Variants in SRPK2 observed in about 807,000 individuals in gnomAD.
SRPK2 encodes SFRS protein kinase 2.
SRPK2 carries 21 observed loss-of-function variants against 90.8 expected under a neutral mutation model. The observed-to-expected ratio is 0.23, with a 90% CI of 0.16 to 0.33. The LOEUF (loss-of-function observed/expected upper bound fraction) is 0.33. SRPK2 is among the 10% of genes least tolerant of loss of function. The pLI is 1.00. For synonymous variants in SRPK2, 288 were observed against 311.1 expected (o/e 0.93, Z 0.78); for missense variants, 620 against 869.0 (o/e 0.71, Z 3.60).
At chr7:105,358,543 G>A (rs557718804) in intron 2 of SRPK2, among the ~76,000 whole-genome samples, 6 of 151,806 alleles carry the variant, frequency 4.0e-5, no homozygotes, top group Non-Finnish European at 8.8e-5. Context: ...AAAATTAGCC[G>A]GGCATGGTGG....
At chr7:105,318,031 A>G (rs1429251496) in intron 2 of SRPK2, among the ~76,000 whole-genome samples, 2 of 152,212 alleles carry the variant, frequency 1.3e-5, no homozygotes, top group Non-Finnish European at 2.9e-5. Context: ...TGCTGGGATT[A>G]CGGGCATGAG....
intron 6 of SRPK2, 121 bp downstream of exon 6, chr7:105,167,256 A>G: frequency 1.3e-6 from 1 of 741,168 alleles, no homozygotes; most frequent in African/African-American, 1.8e-5. Context: ...ATAATACTTG[A>G]CAATGTTCCT....
At chr7:105,290,490 C>A (rs1346693711) in intron 2 of SRPK2, among the ~76,000 whole-genome samples, 2 of 151,858 alleles carry the variant, frequency 1.3e-5, no homozygotes, top group Non-Finnish European at 2.9e-5. Context: ...AGAGCAAGAC[C>A]TTGTCTCAAA....
chr7:105,313,594 C>CA (rs1811973298), intron 2 of SRPK2, among the ~76,000 whole-genome samples: 1 of 151,712 alleles, frequency 6.6e-6, no homozygotes, highest in Non-Finnish European at 1.5e-5. Context: ...TACTAAAATA[C>CA]AAAAAAATTA....
intron 2 of SRPK2, among the ~76,000 whole-genome samples, chr7:105,306,048 A>C (rs566804792): frequency 6.6e-6 from 1 of 152,300 alleles, no homozygotes; most frequent in East Asian, 1.9e-4. Context: ...CAACACCTAC[A>C]CTAAAAGTGG....
At chr7:105,180,350 T>C (rs1792614812) in intron 3 of SRPK2, among the ~76,000 whole-genome samples, 1 of 152,198 alleles carries the variant, frequency 6.6e-6, no homozygotes, top group Non-Finnish European at 1.5e-5. Context: ...CCATAAGTGG[T>C]GCTAGAATTA....
At chr7:105,271,971 A>G (rs1805890989) in intron 2 of SRPK2, among the ~76,000 whole-genome samples, 1 of 152,164 alleles carries the variant, frequency 6.6e-6, no homozygotes, top group African/African-American at 2.4e-5. Context: ...TTTTTCATCC[A>G]ATTTTCCTCT....
chr7:105,249,115 C>G (rs1305852574), intron 2 of SRPK2, among the ~76,000 whole-genome samples: 1 of 152,234 alleles, frequency 6.6e-6, no homozygotes, highest in East Asian at 1.9e-4. Flanking sequence ...ACATGAAGAG[C>G]ACATCCTGTT....
chr7:105,376,534 CT>C (rs376600508), intron 2 of SRPK2, among the ~76,000 whole-genome samples: 260 of 142,096 alleles, frequency 1.8e-3, no homozygotes, highest in Admixed American at 2.1e-3. Flanking sequence ...TCCTTTTTTT[CT>C]TTTTTTTTTT....
intron 2 of SRPK2, among the ~76,000 whole-genome samples, chr7:105,349,120 G>A (rs1308296042): frequency 1.3e-5 from 2 of 149,748 alleles, no homozygotes; most frequent in South Asian, 2.1e-4. Flanking sequence ...ACTCCAGCCT[G>A]GGCAACAGAG....
At chr7:105,159,641 G>A (rs921809664) in intron 7 of SRPK2, among the ~76,000 whole-genome samples, 1 of 152,008 alleles carries the variant, frequency 6.6e-6, no homozygotes, top group Admixed American at 6.6e-5. Context: ...CACTGGAATG[G>A]GCAAACACTG....
intron 2 of SRPK2, among the ~76,000 whole-genome samples, chr7:105,303,784 A>G (rs1471455566): frequency 1.3e-5 from 2 of 152,196 alleles, no homozygotes; most frequent in Non-Finnish European, 2.9e-5. Context: ...CAATTCGTAC[A>G]GTTTAATGGT....
At chr7:105,301,573 G>T in intron 2 of SRPK2, 1 of 1,584,564 alleles carries the variant, frequency 6.3e-7, no homozygotes, top group Non-Finnish European at 8.7e-7. Flanking sequence ...CTCTATTTAT[G>T]AAGGAGATGA....
At chr7:105,141,601 CAA>C (rs1286039308) in intron 11 of SRPK2, among the ~76,000 whole-genome samples, 3 of 152,032 alleles carry the variant, frequency 2.0e-5, no homozygotes, top group African/African-American at 7.2e-5. Flanking sequence ...TCAATAGAGT[CAA>C]AGAGGAGGCA....
intron 2 of SRPK2, among the ~76,000 whole-genome samples, chr7:105,293,193 G>A (rs1303961660): frequency 1.3e-5 from 2 of 152,054 alleles, no homozygotes; most frequent in African/African-American, 4.8e-5. Flanking sequence ...AGCTACTCAA[G>A]AGGCTGAGGC....
In SRPK2 at chr7:105,134,452, T is replaced by C. The variant is rs1364588144; in HGVS notation, c.1544-1348A>G. 3.3e-5 allele frequency among the ~76,000 whole-genome samples: 5 copies of C among 152,266 alleles called. No individual in the cohort carries two copies. In the South Asian group the frequency reaches 8.3e-4, roughly 25 times the overall value. ...ATGCTTCCTGTACAGCCTGTGGAAC[T>C]GTGAGCCAATTAAACCTGTTTTCTT... On this transcript the variant is annotated intron_variant, in intron 11 of 15. Transcript: ENST00000393651.
At chr7:105,370,616 CTTTT>C (rs199888481) in intron 2 of SRPK2, among the ~76,000 whole-genome samples, 1 of 129,962 alleles carries the variant, frequency 7.7e-6, no homozygotes. Context: ...TTTTTTCTTT[CTTTT>C]TTTTTTTTTT....
intron 3 of SRPK2, among the ~76,000 whole-genome samples, chr7:105,173,300 A>G (rs1037089220): frequency 6.6e-6 from 1 of 152,222 alleles, no homozygotes; most frequent in Non-Finnish European, 1.5e-5. Flanking sequence ...AACTGAAAGT[A>G]TAACGCACTT....
At chr7:105,261,278 T>C (rs1376404983) in intron 2 of SRPK2, among the ~76,000 whole-genome samples, 2 of 152,064 alleles carry the variant, frequency 1.3e-5, no homozygotes, top group Non-Finnish European at 2.9e-5. Flanking sequence ...TCCCGGCACT[T>C]TGGGAGGCCG....
Sources: gnomAD v4.1 joint callset for allele counts (sites outside exome capture counted in the v4.1 genomes callset) on GRCh38, gnomAD v4.1.1 for gene constraint, MANE v1.5 for transcripts, NCBI Gene and HGNC (gene_info 2026-07-23, HGNC 2026-07-21) for gene names.